MORN1: variants seen among roughly 807,000 people sequenced by gnomAD.
The protein encoded by MORN1 is MORN repeat containing 1.
In MORN1, 67 loss-of-function variants were observed where a neutral mutation model predicts 61.9. The observed-to-expected ratio is 1.08, with a 90% CI of 0.89 to 1.33. MORN1 has a LOEUF of 1.33. Ranked by LOEUF, MORN1 falls within the 40% of genes most tolerant of loss-of-function variation. The probability of loss-of-function intolerance (pLI) is 0.00; values close to 1 mark genes in which losing one functional copy is unlikely to be tolerated. For missense variants in MORN1, 752 were observed against 691.2 expected, an observed-to-expected ratio of 1.09 and a Z score of -0.99; for synonymous variants, 301 against 292.0, an observed-to-expected ratio of 1.03 and a Z score of -0.31.
At chr1:2,324,705 G>A in intron 12 of MORN1, among the ~76,000 whole-genome samples, 1 of 152,138 alleles carries the variant, frequency 6.6e-6, no homozygotes, top group Non-Finnish European at 1.5e-5. Flanking sequence ...GTCCTGCCGG[G>A]GCCTCCCCGT....
chr1:2,386,022 A>G (rs1642489605), intron 4 of MORN1, 125 bp from the exon 5 acceptor site: 2 of 749,184 alleles, frequency 2.7e-6, no homozygotes, highest in South Asian at 1.6e-5. Context: ...CATGGGGCTC[A>G]GGGCCCCCCA....
intron 8 of MORN1, among the ~76,000 whole-genome samples, chr1:2,367,715 C>T (rs1436470491): frequency 2.0e-5 from 3 of 151,962 alleles, no homozygotes; most frequent in African/African-American, 7.3e-5. Context: ...CAACCTCTGC[C>T]TCCTGGGTTC....
In MORN1 at chr1:2,370,971, C is replaced by T. The variant is rs1381620217; in HGVS notation, c.745+1510G>A. On this transcript the variant is annotated intron_variant, in intron 8 of 13. Transcript: ENST00000378531. Reference sequence around the variant, plus strand: ...CTGTAATCCCAGCACTTTGGGAGGCCAAGGCGGGTGGATCACGAGGTCAGG... The same window carrying T: ...CTGTAATCCCAGCACTTTGGGAGGCTAAGGCGGGTGGATCACGAGGTCAGG... 4.0e-5 allele frequency among the ~76,000 whole-genome samples: 6 copies of T among 151,862 alleles called. No homozygotes were observed. The South Asian group carries it at 1.0e-3, about 26-fold the overall frequency.
rs80172018 is a variant in MORN1 at position 2,351,777 on chromosome 1, A to C, written c.1036+5655T>G. ...CTTGTCAAAAGCCTTGAAGGTGCCA[A>C]TGAAGACTCGGCCATCTTGTAGGAT... On this transcript the variant is annotated intron_variant, in intron 10 of 13. Transcript: ENST00000378531. The C allele has an allele frequency of 1.2e-5, 7 of 563,326 alleles. No homozygotes were observed. In the East Asian group the frequency reaches 3.3e-4, roughly 26 times the overall value. 34.9% of individuals were successfully genotyped at this position (563,326 alleles called of 1,614,324 possible).
At position 2,380,988 on chromosome 1, in the gene MORN1, C is replaced by T. The variant is rs187418208; in HGVS notation, c.537+3990G>A. The stretch of plus-strand genomic sequence containing the variant: ...TCTGGCGGCTGCTGCCTCTCCGGGT[C>T]GATGCCGTTTTCTCTCCAGGTTGAA... On this transcript the variant is annotated intron_variant, in intron 6 of 13. Transcript: ENST00000378531. Among the ~76,000 whole-genome samples, 887 of 152,336 alleles carry T rather than the reference C, an allele frequency of 5.8e-3. 37 individuals are homozygous for T. The highest frequency in any genetic ancestry group is 0.054 in the Admixed American group (829 of 15,298).
chr1:2,386,737 TTAACA>T (rs1642507057), intron 4 of MORN1: 1 of 152,652 alleles, frequency 6.6e-6, no homozygotes, highest in Non-Finnish European at 1.5e-5. Context: ...CCTCTGCTTC[TTAACA>T]TAAGGAAAAC....
intron 12 of MORN1, among the ~76,000 whole-genome samples, chr1:2,331,563 T>G (rs1641148303): frequency 6.6e-6 from 1 of 152,160 alleles, no homozygotes; most frequent in Non-Finnish European, 1.5e-5. Flanking sequence ...AGAGCGTGCC[T>G]GAGGGGGACC....
rs1642516142 is a variant in MORN1 at position 2,387,121 on chromosome 1, A to T, written c.358+298T>A. On this transcript the variant is annotated intron_variant, in intron 4 of 13. Transcript: ENST00000378531. Reference sequence around the variant, plus strand: ...CCCAGGCCAACCTACTGACCCCAGGATCAGGAGCAGTTAATAAAGCAGTGG... The same window carrying T: ...CCCAGGCCAACCTACTGACCCCAGGTTCAGGAGCAGTTAATAAAGCAGTGG... The T allele has an allele frequency of 1.1e-5, 5 of 439,054 alleles. No homozygotes were observed. In the South Asian group the frequency reaches 1.4e-4, roughly 12 times the overall value. The allele number at this position is 439,054 out of a possible 1,614,324, so 27.2% of individuals were successfully genotyped here. A position where few individuals can be genotyped will look rare whatever the true frequency, so the allele number is the denominator to read the frequency against.
chr1:2,342,030 A>G (rs1420397105), intron 10 of MORN1, among the ~76,000 whole-genome samples: 2 of 152,260 alleles, frequency 1.3e-5, no homozygotes, highest in African/African-American at 4.8e-5. Flanking sequence ...ACCTCCTGGC[A>G]GGCATGCCCC....
intron 6 of MORN1, among the ~76,000 whole-genome samples, chr1:2,381,603 T>C (rs1042636559): frequency 2.0e-4 from 30 of 152,110 alleles, no homozygotes; most frequent in Non-Finnish European, 5.9e-5. Flanking sequence ...GGGGAGGTCA[T>C]GTTATAACCC....
intron 13 of MORN1, chr1:2,323,229 C>T (rs1423185750): frequency 4.1e-6 from 4 of 985,246 alleles, no homozygotes; most frequent in Non-Finnish European, 1.2e-6. Flanking sequence ...TCACCAAGGC[C>T]TCACTGGCTA....
intron 12 of MORN1, among the ~76,000 whole-genome samples, chr1:2,335,075 T>G (rs1448033970): frequency 6.6e-6 from 1 of 152,232 alleles, no homozygotes; most frequent in Non-Finnish European, 1.5e-5. Context: ...TCGTACAAAG[T>G]GAGTTTCATA....
chr1:2,344,075 G>T (rs1282063414), intron 10 of MORN1, among the ~76,000 whole-genome samples: 2 of 152,178 alleles, frequency 1.3e-5, no homozygotes, highest in African/African-American at 4.8e-5. Context: ...AGGAGAGAAA[G>T]GAGTGTGGGA....
rs1445909330 is a variant in MORN1 at position 2,334,711 on chromosome 1, G to A, written c.1250+1758C>T. ...TCCGCGGCCAGGTCGTCCTGGGATT[G>A]AAACAATCCTAGTCCAACGACACTT... On this transcript the variant is annotated intron_variant, in intron 12 of 13. Coordinates refer to ENST00000378531, the MANE Select transcript of MORN1 (RefSeq NM_024848.3). This position sits in a 1 kb window ranked among gnomAD's most constrained non-coding sequence, Gnocchi z 5.4. Among the ~76,000 whole-genome samples the A allele has an allele frequency of 6.6e-6, 1 of 152,254 alleles. No individual in the cohort carries two copies. The highest frequency in any genetic ancestry group is 2.4e-5 in the African/African-American group (1 of 41,472).
chr1:2,358,493 T>C (rs752714812), intron 9 of MORN1, 99 bp downstream of exon 9: 22 of 1,480,790 alleles, frequency 1.5e-5, no homozygotes, highest in Non-Finnish European at 2.1e-5. Context: ...AACCAGGACT[T>C]AGCCCAGGTC....
chr1:2,372,504 T>C lies in MORN1; in HGVS notation c.722A>G (p.Gln241Arg), dbSNP rs1642144175. 6.2e-7 allele frequency: 1 copy of C among 1,613,866 alleles called. No individual in the cohort carries two copies. Among genetic ancestry groups the C allele is most frequent in the Non-Finnish European group, 8.5e-7 (1 of 1,179,894 alleles). ...SPFSVNVQLL[Q>R]DHGEIAKSES... is the part of the protein sequence containing the mutation. ...ACTCTTGGCAATTTCCCCGTGGTCC[T>C]GCAGCAGCTGAACGTTCACCGAGAA... The change falls in exon 8 of 14, where the codon CAG becomes CGG. Residue 241 changes from glutamine (Q) to arginine (R), a missense_variant. Coordinates refer to ENST00000378531, the MANE Select transcript of MORN1 (RefSeq NM_024848.3). This position sits in a 1 kb window ranked among gnomAD's most constrained non-coding sequence, Gnocchi z 5.4.
At chr1:2,369,816 G>A (rs1469063788) in intron 8 of MORN1, among the ~76,000 whole-genome samples, 2 of 152,150 alleles carry the variant, frequency 1.3e-5, no homozygotes, top group Admixed American at 6.5e-5. Context: ...GGAACAAGAC[G>A]CTGGTGATAA....
intron 10 of MORN1, among the ~76,000 whole-genome samples, chr1:2,346,476 C>A (rs1324072204): frequency 2.0e-5 from 3 of 152,198 alleles, no homozygotes; most frequent in African/African-American, 7.2e-5. Flanking sequence ...ACCTCCGACT[C>A]CCTGGTTCAA....
chr1:2,381,191 T>G (rs1036983766), intron 6 of MORN1, among the ~76,000 whole-genome samples: 27 of 152,270 alleles, frequency 1.8e-4, no homozygotes, highest in Non-Finnish European at 2.9e-4. Flanking sequence ...AAGCGTGGTC[T>G]GGCAGCCACG....
Sources: allele counts gnomAD v4.1 joint callset (sites outside exome capture counted in the v4.1 genomes callset), GRCh38; gene constraint gnomAD v4.1.1; non-coding constraint Gnocchi (gnomAD v3.1); transcripts MANE v1.5; gene names NCBI Gene and HGNC (gene_info 2026-07-23, HGNC 2026-07-21).